Variants in SPINK8 observed in about 807,000 individuals in gnomAD.
SPINK8 encodes the protein serine protease inhibitor Kazal-type 8.
Under a neutral mutation model 14.4 loss-of-function variants are expected in SPINK8, and 12 were observed. That is an observed-to-expected ratio of 0.83 (90% CI 0.53 to 1.35). The LOEUF (loss-of-function observed/expected upper bound fraction) is 1.35, where lower values mean the gene tolerates loss of function less well. Ranked by LOEUF, SPINK8 falls within the 40% of genes most tolerant of loss-of-function variation. The probability of loss-of-function intolerance (pLI) is 0.00; values close to 1 mark genes in which losing one functional copy is unlikely to be tolerated. For missense variants in SPINK8, 103 were observed against 117.0 expected, an observed-to-expected ratio of 0.88 and a Z score of 0.55; for synonymous variants, 32 against 37.6, an observed-to-expected ratio of 0.85 and a Z score of 0.55.
rs747197009 is a variant in SPINK8 at position 48,321,015 on chromosome 3, C to G, written c.117+10G>C. ...TTCCTGTTATTAGGAACCAAGGAAGCAGTACTCACTATTGTTTTGTCTAGC... is the reference window on the plus strand; with the variant it reads ...TTCCTGTTATTAGGAACCAAGGAAGGAGTACTCACTATTGTTTTGTCTAGC... On this transcript the variant is annotated intron_variant, in intron 5 of 7. Coordinates refer to ENST00000434006, the MANE Select transcript of SPINK8 (RefSeq NM_001080525.3). 4 of 1,586,838 alleles carry G rather than the reference C, an allele frequency of 2.5e-6. No homozygotes were observed. In the South Asian group the frequency reaches 4.6e-5, roughly 18 times the overall value.
chr3:48,321,058 C>T lies in SPINK8; in HGVS notation c.84G>A (p.Met28Ile). The change falls in exon 5 of 8, where the codon ATG (methionine) becomes ATA (isoleucine). Residue 28 changes from methionine (M) to isoleucine (I), a missense_variant. Physicochemically the swap from Met to Ile is conservative, Grantham distance 10. Transcript: ENST00000434006. ...TGTCTAGCTGACCTCTTTCAGAGGC[C>T]ATAGGAAGGGGGAAGTCTGGAAGAC... ...MAFAIDFPLP[M>I]ASERGQLDKT... The T allele has an allele frequency of 6.3e-7, 1 of 1,587,020 alleles. No individual in the cohort carries two copies. Among genetic ancestry groups the T allele is most frequent in the Non-Finnish European group, 8.6e-7 (1 of 1,165,474 alleles).
chr3:48,324,179 GT>G (rs2107105714), intron 4 of SPINK8, among the ~76,000 whole-genome samples: 1 of 152,042 alleles, frequency 6.6e-6, no homozygotes, highest in Non-Finnish European at 1.5e-5. Context: ...ATGTTTTGTA[GT>G]TTTCAGTGTG....
At chr3:48,325,036 ATG>A (rs1293322392) in intron 4 of SPINK8, among the ~76,000 whole-genome samples, 3 of 152,164 alleles carry the variant, frequency 2.0e-5, no homozygotes, top group African/African-American at 7.2e-5. Flanking sequence ...TTATCATAAC[ATG>A]TCTCTCTTCA....
chr3:48,328,583 AAG>A (rs1462709743), intron 3 of SPINK8, among the ~76,000 whole-genome samples: 26 of 152,246 alleles, frequency 1.7e-4, no homozygotes, highest in Non-Finnish European at 3.7e-4. Context: ...ATGCCAGAAA[AAG>A]AGTTAGTAAA....
intron 4 of SPINK8, among the ~76,000 whole-genome samples, chr3:48,327,672 C>A (rs1173814723): frequency 6.6e-6 from 1 of 152,018 alleles, no homozygotes; most frequent in Non-Finnish European, 1.5e-5. Flanking sequence ...AGGGACCAGG[C>A]TTATTTGTTT....
intron 4 of SPINK8, among the ~76,000 whole-genome samples, chr3:48,325,869 A>AT: frequency 6.6e-6 from 1 of 151,182 alleles, no homozygotes; most frequent in East Asian, 1.9e-4. Context: ...AAGTGCTGGG[A>AT]TTACAGGCAT....
intron 2 of SPINK8, among the ~76,000 whole-genome samples, chr3:48,330,843 G>C (rs996730475): frequency 2.6e-5 from 4 of 151,246 alleles, no homozygotes; most frequent in African/African-American, 9.7e-5. Flanking sequence ...AGCTAGTCCT[G>C]TCTCTCAGTC....
intron 2 of SPINK8, among the ~76,000 whole-genome samples, 69 bp downstream of exon 2, chr3:48,332,297 G>A (rs1455311588): frequency 6.6e-6 from 1 of 152,162 alleles, no homozygotes; most frequent in Non-Finnish European, 1.5e-5. Flanking sequence ...CTTAGTTTAA[G>A]TTTTGTTCCA....
intron 5 of SPINK8, 121 bp downstream of exon 5, chr3:48,320,904 T>C: frequency 1.1e-6 from 1 of 910,706 alleles, no homozygotes; most frequent in South Asian, 1.7e-5. Context: ...GCTTTTATTG[T>C]TCTGTTATTC....
intron 6 of SPINK8, among the ~76,000 whole-genome samples, chr3:48,317,696 T>C (rs2036012680): frequency 6.6e-6 from 1 of 151,630 alleles, no homozygotes; most frequent in African/African-American, 2.4e-5. Flanking sequence ...TTTGTATTTT[T>C]AGTAGAGATG....
At chr3:48,328,867 C>T (rs903976996) in intron 3 of SPINK8, among the ~76,000 whole-genome samples, 1 of 152,174 alleles carries the variant, frequency 6.6e-6, no homozygotes, top group Non-Finnish European at 1.5e-5. Flanking sequence ...TTGTAATCTT[C>T]CCTAATGTTG....
At chr3:48,328,540 GA>G (rs975687286) in intron 3 of SPINK8, among the ~76,000 whole-genome samples, 186 bp from the exon 4 acceptor site, 10 of 150,726 alleles carry the variant, frequency 6.6e-5, no homozygotes, top group African/African-American at 2.2e-4. Context: ...TTGGACATTT[GA>G]AAAAAAAATC....
intron 6 of SPINK8, among the ~76,000 whole-genome samples, chr3:48,317,746 A>G (rs1190947709): frequency 1.4e-5 from 2 of 145,742 alleles, no homozygotes; most frequent in African/African-American, 2.6e-5. Flanking sequence ...CTATCTCCTG[A>G]CCTCCTGATC....
At chr3:48,316,650 G>A (rs1289393815) in intron 6 of SPINK8, among the ~76,000 whole-genome samples, 1 of 152,132 alleles carries the variant, frequency 6.6e-6, no homozygotes, top group Non-Finnish European at 1.5e-5. Context: ...GGGTGTGCCT[G>A]TAGTCCTAGC....
At chr3:48,320,989 A>G in intron 5 of SPINK8, 36 bp downstream of exon 5, 2 of 1,572,376 alleles carry the variant, frequency 1.3e-6, no homozygotes, top group Non-Finnish European at 8.6e-7. Context: ...CTCTCTCCCC[A>G]TTCCTGTTAT....
chr3:48,310,150 A>G (rs1027109044), intron 6 of SPINK8, among the ~76,000 whole-genome samples: 1 of 152,218 alleles, frequency 6.6e-6, no homozygotes, highest in Non-Finnish European at 1.5e-5. Context: ...AGTCTACAAT[A>G]AAATACAGAA....
At chr3:48,320,831 G>T (rs1419507842) in intron 5 of SPINK8, among the ~76,000 whole-genome samples, 194 bp downstream of exon 5, 1 of 152,090 alleles carries the variant, frequency 6.6e-6, no homozygotes, top group Non-Finnish European at 1.5e-5. Context: ...AAACTGATTG[G>T]GAGAACCCTT....
intron 6 of SPINK8, among the ~76,000 whole-genome samples, chr3:48,314,889 T>C (rs2035965782): frequency 2.0e-5 from 3 of 152,316 alleles, no homozygotes; most frequent in Non-Finnish European, 4.4e-5. Context: ...TTCTGCATGC[T>C]CAGAAAAGAC....
At chr3:48,327,745 T>C (rs185101683) in intron 4 of SPINK8, among the ~76,000 whole-genome samples, 163 of 152,196 alleles carry the variant, frequency 1.1e-3, no homozygotes, top group Admixed American at 2.2e-3. Flanking sequence ...TCTCCTAAGA[T>C]GTGAGAGCCT....
Sources: gnomAD v4.1 joint callset for allele counts (sites outside exome capture counted in the v4.1 genomes callset) on GRCh38, gnomAD v4.1.1 for gene constraint, MANE v1.5 for transcripts, NCBI Gene and HGNC (gene_info 2026-07-23, HGNC 2026-07-21) for gene names.